The following PARP11 variants were observed in gnomAD, a reference collection of about 807,000 sequenced individuals.
PARP11 encodes protein mono-ADP-ribosyltransferase PARP11.
PARP11 carries 31 observed loss-of-function variants against 42.9 expected under a neutral mutation model. That is an observed-to-expected ratio of 0.72 (90% CI 0.54 to 0.98). The LOEUF (loss-of-function observed/expected upper bound fraction) is 0.98, where lower values mean the gene tolerates loss of function less well. Ranked by LOEUF, PARP11 falls within the 50% of genes least tolerant of loss-of-function variation. The probability of loss-of-function intolerance (pLI) is 0.00; values close to 1 mark genes in which losing one functional copy is unlikely to be tolerated. For synonymous variants in PARP11, 137 were observed against 127.3 expected, an observed-to-expected ratio of 1.08 and a Z score of -0.51; for missense variants, 365 against 413.1, an observed-to-expected ratio of 0.88 and a Z score of 1.01.
intron 4 of PARP11, 152 bp downstream of exon 4, chr12:3,826,006 G>T: frequency 4.2e-6 from 2 of 478,280 alleles, no homozygotes; most frequent in Non-Finnish European, 3.7e-6. Flanking sequence ...TGGGATTACA[G>T]GTGTGAGCCA....
chr12:3,817,580 TA>T (rs1169019102), intron 6 of PARP11, among the ~76,000 whole-genome samples: 3 of 152,192 alleles, frequency 2.0e-5, no homozygotes, highest in African/African-American at 7.2e-5. Flanking sequence ...GTCACAGAAC[TA>T]CACTAAGTTC....
At chr12:3,860,334 G>T (rs193213638) in intron 1 of PARP11, among the ~76,000 whole-genome samples, 2 of 152,304 alleles carry the variant, frequency 1.3e-5, no homozygotes, top group South Asian at 2.1e-4. Context: ...TTTAAGACAA[G>T]GAAGGACCCT....
intron 1 of PARP11, among the ~76,000 whole-genome samples, chr12:3,844,861 A>T (rs1320826007): frequency 6.6e-6 from 1 of 152,168 alleles, no homozygotes; most frequent in African/African-American, 2.4e-5. Flanking sequence ...TTTGTTTTTA[A>T]ATGTATTAAT....
At chr12:3,843,676 T>C (rs1947938602) in intron 1 of PARP11, among the ~76,000 whole-genome samples, 1 of 152,244 alleles carries the variant, frequency 6.6e-6, no homozygotes, top group Non-Finnish European at 1.5e-5. Context: ...CTTCCAGTCT[T>C]TGCAGTATTC....
Position 3,832,499 on chromosome 12 carries a change from C to T in PARP11, c.19-2481G>A, listed in dbSNP as rs530593910. On this transcript the variant is annotated intron_variant, in intron 1 of 7. Coordinates refer to ENST00000228820, the MANE Select transcript of PARP11 (RefSeq NM_020367.6). ...CACATGGACAGTTATTTCTCCTCTC[C>T]TATGTTGCTAACATTTAGTTTAATT... Among the ~76,000 whole-genome samples the T allele has an allele frequency of 3.9e-4, 59 of 152,308 alleles. 1 individual carries two copies. The highest frequency in any genetic ancestry group is 1.2e-3 in the African/African-American group (49 of 41,576).
Position 3,861,794 on chromosome 12 carries a change from G to A in PARP11, c.18+11418C>T, listed in dbSNP as rs1363304705. Among the ~76,000 whole-genome samples, 1 of 151,620 alleles carries A rather than the reference G, an allele frequency of 6.6e-6. No individual in the cohort carries two copies. The highest frequency in any genetic ancestry group is 2.0e-4 in the East Asian group (1 of 5,122). ...AATCCCAGTACTTTGGGAGGCCGAGGCGGGCGGATCACGAGGTCAGGAGAT... is the reference window on the plus strand; with the variant it reads ...AATCCCAGTACTTTGGGAGGCCGAGACGGGCGGATCACGAGGTCAGGAGAT... On this transcript the variant is annotated intron_variant, in intron 1 of 7. Transcript: ENST00000228820. The surrounding 1 kb of genome is among the most constrained non-coding windows in gnomAD (Gnocchi z 4.6).
At chr12:3,815,724 T>C (rs1947272903) in intron 6 of PARP11, among the ~76,000 whole-genome samples, 1 of 152,220 alleles carries the variant, frequency 6.6e-6, no homozygotes, top group South Asian at 2.1e-4. Flanking sequence ...TCCCAGGACT[T>C]TTCCAAACCA....
In PARP11 at chr12:3,873,276, C is replaced by T; in HGVS notation, c.-47G>A. 1.3e-6 allele frequency: 2 copies of T among 1,546,860 alleles called. No individual in the cohort carries two copies. The highest frequency in any genetic ancestry group is 1.7e-6 in the Non-Finnish European group (2 of 1,143,158). The stretch of plus-strand genomic sequence containing the variant: ...AGAGAGCCTGTGGGAAGGGGCTAGC[C>T]GCGGGGCCTGGGTGTTGGATTTTTT... On this transcript the variant is annotated 5_prime_UTR_variant, in exon 1 of 8. Transcript: ENST00000228820.
rs1565527203 is a variant in PARP11 at position 3,810,641 on chromosome 12, G to GAAGGAAGGAAGGAA, written c.*1481_*1482insTTCCTTCCTTCCTT. The GAAGGAAGGAAGGAA allele has an allele frequency of 3.5e-5, 4 of 113,710 alleles. No homozygotes were observed. The highest frequency in any genetic ancestry group is 2.8e-4 in the Admixed American group (3 of 10,640). 7.0% of individuals were successfully genotyped at this position (113,710 alleles called of 1,614,324 possible). A position where few individuals can be genotyped will look rare whatever the true frequency, so the allele number is the denominator to read the frequency against. ...AAGGGAGGAGGGAGGGAGGGAGGGA[G>GAAGGAAGGAAGGAA]GGAAAGAAGGAAGGAAGGAAGGAAG... On this transcript the variant is annotated 3_prime_UTR_variant, in exon 8 of 8. Coordinates refer to ENST00000228820, the MANE Select transcript of PARP11 (RefSeq NM_020367.6).
chr12:3,868,055 G>A (rs879437354), intron 1 of PARP11, among the ~76,000 whole-genome samples: 3 of 152,088 alleles, frequency 2.0e-5, no homozygotes, highest in Non-Finnish European at 4.4e-5. Flanking sequence ...TCAAAATGTG[G>A]TCTAACCTAC....
intron 1 of PARP11, among the ~76,000 whole-genome samples, chr12:3,851,168 T>A (rs983256494): frequency 2.0e-5 from 3 of 152,194 alleles, no homozygotes; most frequent in African/African-American, 7.2e-5. Flanking sequence ...GGAACAGCTC[T>A]GGTCCACAGC....
chr12:3,837,478 TTAAA>T, intron 1 of PARP11, among the ~76,000 whole-genome samples: 1 of 151,768 alleles, frequency 6.6e-6, no homozygotes, highest in South Asian at 2.1e-4. Flanking sequence ...AACTAATGAG[TTAAA>T]ACATACGACC....
chr12:3,826,007 G>T, intron 4 of PARP11, 151 bp downstream of exon 4: 1 of 484,968 alleles, frequency 2.1e-6, no homozygotes, highest in Non-Finnish European at 3.7e-6. Context: ...GGGATTACAG[G>T]TGTGAGCCAC....
intron 1 of PARP11, among the ~76,000 whole-genome samples, chr12:3,871,414 TTG>T (rs1268564318): frequency 3.9e-5 from 6 of 152,234 alleles, no homozygotes; most frequent in Non-Finnish European, 7.3e-5. Flanking sequence ...ATACTTTCCA[TTG>T]TGTTACGAAT....
At chr12:3,872,638 G>A (rs1591548116) in intron 1 of PARP11, 1 of 985,158 alleles carries the variant, frequency 1.0e-6, no homozygotes, top group East Asian at 1.1e-4. Context: ...CACCAAGAAG[G>A]GAAAAGGAGA....
intron 1 of PARP11, among the ~76,000 whole-genome samples, chr12:3,864,130 A>G (rs190979863): frequency 4.0e-4 from 61 of 152,332 alleles, no homozygotes; most frequent in African/African-American, 1.5e-3. Context: ...TAGGCTGCTG[A>G]GAATTTTAAT....
At chr12:3,833,478 C>A in intron 1 of PARP11, among the ~76,000 whole-genome samples, 1 of 152,114 alleles carries the variant, frequency 6.6e-6, no homozygotes, top group East Asian at 1.9e-4. Context: ...CTGATGCATG[C>A]TTATAGTCCT....
At chr12:3,841,470 C>T in intron 1 of PARP11, 2 of 1,435,902 alleles carry the variant, frequency 1.4e-6, no homozygotes, top group Non-Finnish European at 2.0e-6. Flanking sequence ...GTACTGATGC[C>T]CACTTTCCTA....
intron 1 of PARP11, among the ~76,000 whole-genome samples, chr12:3,871,293 A>T: frequency 6.6e-6 from 1 of 152,232 alleles, no homozygotes; most frequent in Non-Finnish European, 1.5e-5. Context: ...TTTCATACAC[A>T]ATTATGCATT....
Sources: gnomAD v4.1 joint callset for allele counts (sites outside exome capture counted in the v4.1 genomes callset) on GRCh38, gnomAD v4.1.1 for gene constraint, Gnocchi (gnomAD v3.1) non-coding constraint, MANE v1.5 for transcripts, NCBI Gene and HGNC (gene_info 2026-07-23, HGNC 2026-07-21) for gene names.